The following GALNT9 variants were observed in gnomAD, a reference collection of about 807,000 sequenced individuals.
GALNT9 encodes the protein polypeptide N-acetylgalactosaminyltransferase 9, also known as GalNAc transferase 9.
In GALNT9, 47 loss-of-function variants were observed where a neutral mutation model predicts 63.1. The ratio of observed to expected loss-of-function variants is 0.75; its 90% CI spans 0.59 to 0.95. The LOEUF is 0.95. Ranked by LOEUF, GALNT9 falls within the 40% of genes least tolerant of loss-of-function variation. The pLI, the probability that GALNT9 is intolerant of heterozygous loss-of-function variation, is 0.00. For synonymous variants in GALNT9, 396 were observed against 365.7 expected (o/e 1.08, Z -0.94); for missense variants, 829 against 874.8 (o/e 0.95, Z 0.66).
intron 1 of GALNT9, among the ~76,000 whole-genome samples, chr12:132,309,175 G>A (rs1004048227): frequency 1.3e-5 from 2 of 152,220 alleles, no homozygotes; most frequent in Admixed American, 1.3e-4. Context: ...TGAAACCCCC[G>A]TAGATTTCAC....
chr12:132,237,623 A>G (rs2136895508), intron 6 of GALNT9, among the ~76,000 whole-genome samples: 1 of 151,064 alleles, frequency 6.6e-6, no homozygotes, highest in East Asian at 1.9e-4. Flanking sequence ...TGCTCACACC[A>G]CACACCTGCC....
At chr12:132,203,814 C>A in intron 6 of GALNT9, 124 bp from the exon 7 acceptor site, 2 of 1,029,870 alleles carry the variant, frequency 1.9e-6, no homozygotes, top group African/African-American at 1.9e-5. Context: ...CCACCACCGA[C>A]GGGCCTGGTG....
At chr12:132,318,596 T>C (rs943056939) in intron 1 of GALNT9, among the ~76,000 whole-genome samples, 1 of 152,250 alleles carries the variant, frequency 6.6e-6, no homozygotes, top group Non-Finnish European at 1.5e-5. Context: ...GCTGGTGATT[T>C]GCAGGTTCAG....
At chr12:132,284,536 C>T (rs1880512333) in intron 2 of GALNT9, 1 of 152,244 alleles carries the variant, frequency 6.6e-6, no homozygotes, top group Non-Finnish European at 1.5e-5. Context: ...AAATGGAAAG[C>T]TGGCATCACT....
At chr12:132,202,440 C>T (rs1001178338) in intron 7 of GALNT9, among the ~76,000 whole-genome samples, 1 of 152,194 alleles carries the variant, frequency 6.6e-6, no homozygotes, top group African/African-American at 2.4e-5. Flanking sequence ...GTGAATGGTC[C>T]AGCCCGGGGC....
chr12:132,270,925 G>A (rs1555240664), intron 2 of GALNT9, among the ~76,000 whole-genome samples: 2 of 151,890 alleles, frequency 1.3e-5, no homozygotes. Context: ...GAGAGAGCAA[G>A]GAGGAGATGG....
intron 6 of GALNT9, among the ~76,000 whole-genome samples, chr12:132,215,002 C>A (rs73488308): frequency 0.011 from 1,625 of 152,346 alleles, 25 homozygotes; most frequent in African/African-American, 0.037. Context: ...AGTGGAGAAA[C>A]CTGCCGGCCT....
intron 6 of GALNT9, among the ~76,000 whole-genome samples, chr12:132,214,962 T>C (rs1201190213): frequency 6.6e-6 from 1 of 152,238 alleles, no homozygotes; most frequent in Non-Finnish European, 1.5e-5. Context: ...AGATTCTGGC[T>C]GACAGGCAAA....
At chr12:132,223,251 TACACCCCACACACCCATCCTACACAACCC>T (rs1458185606) in intron 6 of GALNT9, among the ~76,000 whole-genome samples, 39 of 12,606 alleles carry the variant, frequency 3.1e-3, no homozygotes, top group Non-Finnish European at 4.1e-3. Context: ...ACACCCCACA[TACACCCCACACACCCATCCTACACAACCC>T]ACACCCCACA....
intron 1 of GALNT9, among the ~76,000 whole-genome samples, chr12:132,303,443 G>A (rs367949408): frequency 0.15 from 10,171 of 68,878 alleles, 986 homozygotes; most frequent in Middle Eastern, 0.24. Context: ...GCACACCCTC[G>A]CCCGGGCACA....
At chr12:132,312,185 G>A (rs1214357683) in intron 1 of GALNT9, among the ~76,000 whole-genome samples, 2 of 152,218 alleles carry the variant, frequency 1.3e-5, no homozygotes, top group Non-Finnish European at 2.9e-5. Context: ...GGCAATACCT[G>A]TAAAATATAT....
chr12:132,264,172 C>T (rs193210992), intron 2 of GALNT9, among the ~76,000 whole-genome samples: 4 of 152,338 alleles, frequency 2.6e-5, no homozygotes, highest in Non-Finnish European at 5.9e-5. Context: ...AGCGGCCACT[C>T]GCTTTATAAA....
intron 2 of GALNT9, among the ~76,000 whole-genome samples, chr12:132,266,332 C>G (rs1428813353): frequency 6.6e-6 from 1 of 152,270 alleles, no homozygotes; most frequent in East Asian, 1.9e-4. Context: ...TGACAAACTT[C>G]TTTGCCTACT....
chr12:132,313,519 C>CATCCGTACATACATACATACATACGT (rs1881894932), intron 1 of GALNT9, among the ~76,000 whole-genome samples: 1 of 132,468 alleles, frequency 7.5e-6, no homozygotes, highest in Non-Finnish European at 1.6e-5. Flanking sequence ...CCCACCCATC[C>CATCCGTACATACATACATACATACGT]ACTTACCCAC....
At chr12:132,268,968 G>A (rs1211785749) in intron 2 of GALNT9, among the ~76,000 whole-genome samples, 1 of 152,218 alleles carries the variant, frequency 6.6e-6, no homozygotes, top group Non-Finnish European at 1.5e-5. Context: ...AAACAATCTG[G>A]CCATTTGTTG....
intron 6 of GALNT9, chr12:132,240,407 T>G: frequency 2.8e-6 from 1 of 353,292 alleles, no homozygotes; most frequent in East Asian, 7.5e-5. Context: ...ACCCTTTGGC[T>G]TCCAGCCTCC....
chr12:132,302,636 A>G (rs1175910417), intron 1 of GALNT9, among the ~76,000 whole-genome samples: 6 of 152,198 alleles, frequency 3.9e-5, no homozygotes, highest in Non-Finnish European at 7.3e-5. Context: ...ATGCCCCATC[A>G]TGCCCACAGG....
intron 2 of GALNT9, among the ~76,000 whole-genome samples, chr12:132,272,122 G>A (rs1345899990): frequency 2.6e-5 from 4 of 152,200 alleles, no homozygotes; most frequent in Non-Finnish European, 4.4e-5. Flanking sequence ...GTCGGGGGAC[G>A]CACCGTGGGG....
At chr12:132,204,162 C>G (rs1010690712) in intron 6 of GALNT9, among the ~76,000 whole-genome samples, 1 of 74,914 alleles carries the variant, frequency 1.3e-5, no homozygotes, top group Non-Finnish European at 3.5e-5. Context: ...AAAGCCCAAC[C>G]AGCCTCCCCA....
Sources: gnomAD v4.1 joint callset for allele counts (sites outside exome capture counted in the v4.1 genomes callset) on GRCh38, gnomAD v4.1.1 for gene constraint, MANE v1.5 for transcripts, NCBI Gene and HGNC (gene_info 2026-07-23, HGNC 2026-07-21) for gene names.